ACVR1C: variants seen among roughly 807,000 people sequenced by gnomAD.
ACVR1C encodes the protein activin receptor type-1C.
In ACVR1C, 23 loss-of-function variants were observed where a neutral mutation model predicts 57.9. The observed-to-expected ratio is 0.40, with a 90% CI of 0.29 to 0.56. The LOEUF (loss-of-function observed/expected upper bound fraction) is 0.56, where lower values mean the gene tolerates loss of function less well. Ranked by LOEUF, ACVR1C falls within the 20% of genes least tolerant of loss-of-function variation. The pLI, the probability that ACVR1C is intolerant of heterozygous loss-of-function variation, is 0.50. For synonymous variants in ACVR1C, 214 were observed against 215.3 expected, an observed-to-expected ratio of 0.99 and a Z score of 0.05; for missense variants, 480 against 607.9, an observed-to-expected ratio of 0.79 and a Z score of 2.21.
rs1429610179 is a variant in ACVR1C, at chr2:157,527,809, C to T, written c.*6109G>A. The T allele has an allele frequency of 6.6e-6, 1 of 152,184 alleles. No homozygotes were observed. Among genetic ancestry groups the T allele is most frequent in the Non-Finnish European group, 1.5e-5 (1 of 68,014 alleles). 9.4% of individuals were successfully genotyped at this position (152,184 alleles called of 1,614,324 possible). A position where few individuals can be genotyped will look rare whatever the true frequency, so the allele number is the denominator to read the frequency against. On this transcript the variant is annotated 3_prime_UTR_variant, in exon 9 of 9. Coordinates refer to ENST00000243349, the MANE Select transcript of ACVR1C (RefSeq NM_145259.3). Reference sequence around the variant, plus strand: ...ATTAGTAAATGTCATTCTACGCTTGCATTTGTTAGACAAAATTTAGGCACA... The same window carrying T: ...ATTAGTAAATGTCATTCTACGCTTGTATTTGTTAGACAAAATTTAGGCACA...
At chr2:157,628,325 C>T (rs1377339460) in intron 1 of ACVR1C, among the ~76,000 whole-genome samples, 1 of 152,202 alleles carries the variant, frequency 6.6e-6, no homozygotes, top group Non-Finnish European at 1.5e-5. Flanking sequence ...TCCCCCACGT[C>T]CCTGCTGCCT....
intron 1 of ACVR1C, among the ~76,000 whole-genome samples, chr2:157,588,890 T>C (rs573950052): frequency 2.2e-5 from 3 of 136,068 alleles, no homozygotes; most frequent in African/African-American, 8.9e-5. Flanking sequence ...CGTGTGTGTG[T>C]ATATATATAT....
intron 1 of ACVR1C, among the ~76,000 whole-genome samples, chr2:157,597,991 ATAAT>A (rs1352772468): frequency 6.6e-6 from 1 of 152,212 alleles, no homozygotes; most frequent in Non-Finnish European, 1.5e-5. Context: ...TGAGAAACTG[ATAAT>A]TAAGCCCCTA....
intron 1 of ACVR1C, among the ~76,000 whole-genome samples, chr2:157,607,658 G>A (rs1457151679): frequency 2.6e-5 from 4 of 151,362 alleles, no homozygotes; most frequent in Non-Finnish European, 4.4e-5. Flanking sequence ...GTGTTTTCTG[G>A]TTTTTCTTGT....
rs1015883999 is a variant in ACVR1C at position 157,602,123 on chromosome 2, C to T, written c.74-14706G>A. Among the ~76,000 whole-genome samples the T allele has an allele frequency of 1.1e-4, 16 of 151,924 alleles. 1 individual carries two copies. The Middle Eastern group carries it at 0.027, about 260-fold the overall frequency. On this transcript the variant is annotated intron_variant, in intron 1 of 8. Coordinates refer to ENST00000243349, the MANE Select transcript of ACVR1C (RefSeq NM_145259.3). ...AGCTCCAAATCAAGATAGACATTTTCGTTAAAATAAAAAAAAAATTGACAT... is the reference window on the plus strand; with the variant it reads ...AGCTCCAAATCAAGATAGACATTTTTGTTAAAATAAAAAAAAAATTGACAT...
Position 157,542,746 on chromosome 2 carries a change from T to C in ACVR1C, c.1060A>G (p.Thr354Ala), listed in dbSNP as rs755762778. 2 of 1,613,808 alleles carry C rather than the reference T, an allele frequency of 1.2e-6. No individual in the cohort carries two copies. Among genetic ancestry groups the C allele is most frequent in the South Asian group, 1.1e-5 (1 of 91,040 alleles). ...LAVKHDSILNTIDIPQNPKVG... is the reference protein window; with the variant it reads ...LAVKHDSILNAIDIPQNPKVG... ...TTAGGATTCTGAGGTATGTCGATAGTGTTCAGTATTGAATCATGCTTCACA... is the reference window on the plus strand; with the variant it reads ...TTAGGATTCTGAGGTATGTCGATAGCGTTCAGTATTGAATCATGCTTCACA... Residue 354 changes from threonine to alanine, a missense_variant, in exon 6 of 9, where the codon ACT (threonine) becomes GCT (alanine). Coordinates refer to ENST00000243349, the MANE Select transcript of ACVR1C (RefSeq NM_145259.3).
chr2:157,545,868 G>T (rs1205898563), intron 4 of ACVR1C, among the ~76,000 whole-genome samples: 1 of 152,134 alleles, frequency 6.6e-6, no homozygotes, highest in African/African-American at 2.4e-5. Flanking sequence ...TGTGCCTCCT[G>T]GGTTCAAGCA....
intron 1 of ACVR1C, among the ~76,000 whole-genome samples, chr2:157,610,030 T>C (rs1323437045): frequency 6.6e-6 from 1 of 152,126 alleles, no homozygotes; most frequent in Admixed American, 6.5e-5. Context: ...ATAAATTCTT[T>C]GTTCCTTTCT....
At chr2:157,616,164 T>C (rs1682645392) in intron 1 of ACVR1C, among the ~76,000 whole-genome samples, 1 of 152,212 alleles carries the variant, frequency 6.6e-6, no homozygotes, top group African/African-American at 2.4e-5. Context: ...ATATTACTTG[T>C]TATTACCCCA....
At chr2:157,611,384 G>T (rs1050282642) in intron 1 of ACVR1C, among the ~76,000 whole-genome samples, 1 of 152,196 alleles carries the variant, frequency 6.6e-6, no homozygotes, top group Non-Finnish European at 1.5e-5. Flanking sequence ...AGGAATTCCA[G>T]GTGGGTCGGT....
chr2:157,558,924 G>A (rs1688171581), intron 2 of ACVR1C, among the ~76,000 whole-genome samples: 1 of 152,220 alleles, frequency 6.6e-6, no homozygotes, highest in East Asian at 1.9e-4. Flanking sequence ...TTAATCTCCT[G>A]CATCTTACAT....
chr2:157,565,310 C>T (rs1573923994), intron 2 of ACVR1C, among the ~76,000 whole-genome samples: 3 of 152,178 alleles, frequency 2.0e-5, no homozygotes, highest in Admixed American at 1.3e-4. Flanking sequence ...CTAGTCCTCC[C>T]GTGTGAATCT....
At chr2:157,613,973 A>G (rs1682589891) in intron 1 of ACVR1C, among the ~76,000 whole-genome samples, 1 of 152,178 alleles carries the variant, frequency 6.6e-6, no homozygotes, top group South Asian at 2.1e-4. Context: ...TCACCAGTGA[A>G]GTAATGTGAA....
At chr2:157,606,440 T>A (rs1457166108) in intron 1 of ACVR1C, among the ~76,000 whole-genome samples, 1 of 151,940 alleles carries the variant, frequency 6.6e-6, no homozygotes, top group Non-Finnish European at 1.5e-5. Context: ...AGTTCACTTT[T>A]CTGTGGACAC....
At position 157,550,170 on chromosome 2, in the gene ACVR1C, T is replaced by C; in HGVS notation, c.767A>G (p.Asp256Gly). 6.2e-7 allele frequency: 1 copy of C among 1,614,082 alleles called. No individual in the cohort carries two copies. Among genetic ancestry groups the C allele is most frequent in the Non-Finnish European group, 8.5e-7 (1 of 1,179,960 alleles). Residue 256 changes from aspartate (D) to glycine (G), a missense_variant, in exon 4 of 9, where the codon GAC becomes GGC. By Grantham distance (94) the Asp-to-Gly change is moderately conservative (BLOSUM62 -1). Transcript: ENST00000243349. ...AATTAGATTGGAAATACCTTTGTTG[T>C]CAGCAGCAATGAAACCAAGGATGTT... is the stretch of plus-strand genomic sequence containing the variant. ...HENILGFIAA[D>G]NKDNGTWTQL...
intron 1 of ACVR1C, among the ~76,000 whole-genome samples, chr2:157,598,157 C>T (rs1310374550): frequency 6.7e-6 from 1 of 149,240 alleles, no homozygotes; most frequent in Non-Finnish European, 1.5e-5. Flanking sequence ...GGGGACCCAA[C>T]CAAGGGTTAC....
Position 157,587,115 on chromosome 2 carries a change from T to C in ACVR1C, c.304+72A>G, listed in dbSNP as rs980132553. ...CCTATTTAAAGAAACATAAGACAGT[T>C]TGATTCCTACCATTCTTATAGTTTC... is the stretch of plus-strand genomic sequence containing the variant. On this transcript the variant is annotated intron_variant, in intron 2 of 8. Transcript: ENST00000243349. 2.2e-5 allele frequency: 30 copies of C among 1,336,062 alleles called. No individual in the cohort carries two copies. The South Asian group carries it at 3.7e-4, about 17-fold the overall frequency. The allele number at this position is 1,336,062 out of a possible 1,614,324, so 82.8% of individuals were successfully genotyped here.
intron 2 of ACVR1C, among the ~76,000 whole-genome samples, chr2:157,564,766 T>C (rs1688320033): frequency 6.6e-6 from 1 of 152,208 alleles, no homozygotes. Context: ...CATGGGATAC[T>C]ATGCAGCCAT....
intron 2 of ACVR1C, among the ~76,000 whole-genome samples, chr2:157,578,946 A>T (rs1465104606): frequency 6.6e-6 from 1 of 152,202 alleles, no homozygotes; most frequent in East Asian, 1.9e-4. Context: ...AGTTTAATTG[A>T]ATTTAATGTT....
Sources: allele counts gnomAD v4.1 joint callset (sites outside exome capture counted in the v4.1 genomes callset), GRCh38; gene constraint gnomAD v4.1.1; transcripts MANE v1.5; gene names NCBI Gene and HGNC (gene_info 2026-07-23, HGNC 2026-07-21).